The following FHIP1A variants were observed in gnomAD, a reference collection of about 807,000 sequenced individuals.
FHIP1A encodes FHF complex subunit HOOK-interacting protein 1A.
A neutral mutation model predicts 88.6 loss-of-function variants in FHIP1A; 61 were observed. That is an observed-to-expected ratio of 0.69 (90% CI 0.56 to 0.85). FHIP1A has a LOEUF of 0.85. FHIP1A is among the 40% of genes least tolerant of loss of function. The probability of loss-of-function intolerance (pLI) is 0.00; values close to 1 mark genes in which losing one functional copy is unlikely to be tolerated. For synonymous variants in FHIP1A, 478 were observed against 496.0 expected (o/e 0.96, Z 0.48); for missense variants, 1,154 against 1,273.5 (o/e 0.91, Z 1.43).
chr4:151,605,729 C>G (rs1328702190), intron 7 of FHIP1A, among the ~76,000 whole-genome samples: 2 of 152,182 alleles, frequency 1.3e-5, no homozygotes, highest in Non-Finnish European at 2.9e-5. Context: ...TATTCATGAT[C>G]TGCATCCTGC....
rs569126288 is a variant in FHIP1A at position 151,545,369 on chromosome 4, C to CTTTTTTTTTTTTTTTTTT, written c.-122-20760_-122-20743dup. On this transcript the variant is annotated intron_variant, in intron 3 of 13. Coordinates refer to ENST00000435205, the MANE Select transcript of FHIP1A (RefSeq NM_001109977.3). Reference sequence around the variant, plus strand: ...CAAGGCAAAATATTTCCTTATCCTTCTTTTTTTTTTTTTTTTTTTTTTTTT... The same window carrying CTTTTTTTTTTTTTTTTTT: ...CAAGGCAAAATATTTCCTTATCCTTCTTTTTTTTTTTTTTTTTTTTTTTTTTTTTTTTTTTTTTTTTTT... Among the ~76,000 whole-genome samples, 15 of 81,686 alleles carry CTTTTTTTTTTTTTTTTTT rather than the reference C, an allele frequency of 1.8e-4. 1 individual carries two copies. Among genetic ancestry groups the CTTTTTTTTTTTTTTTTTT allele is most frequent in the African/African-American group, 7.6e-4 (15 of 19,656 alleles). The allele number at this position is 81,686 out of a possible 152,430, so 53.6% of individuals were successfully genotyped here. A position where few individuals can be genotyped will look rare whatever the true frequency, so the allele number is the denominator to read the frequency against.
At chr4:151,586,941 C>T in intron 6 of FHIP1A, 142 bp downstream of exon 6, 2 of 578,440 alleles carry the variant, frequency 3.5e-6, no homozygotes, top group South Asian at 6.1e-5. Context: ...AATTGAATGT[C>T]CTTGAATGAG....
chr4:151,668,064 TCTTA>T lies in FHIP1A; in HGVS notation c.*5316_*5319del, dbSNP rs1737727877. Among the ~76,000 whole-genome samples, 1 of 152,178 alleles carries T rather than the reference TCTTA, an allele frequency of 6.6e-6. No individual in the cohort carries two copies. Among genetic ancestry groups the T allele is most frequent in the Non-Finnish European group, 1.5e-5 (1 of 68,032 alleles). ...AAAAGAGGGAATTTGGTGTTGACAA[TCTTA>T]CTTACACGACTCTTGCTAAGCTATT... On this transcript the variant is annotated 3_prime_UTR_variant, in exon 14 of 14. Coordinates refer to ENST00000435205, the MANE Select transcript of FHIP1A (RefSeq NM_001109977.3).
At chr4:151,640,766 A>C (rs17027738) in intron 9 of FHIP1A, among the ~76,000 whole-genome samples, 5,154 of 152,230 alleles carry the variant, frequency 0.034, 295 homozygotes, top group African/African-American at 0.12. Flanking sequence ...TAGGTGATGG[A>C]AGCTCTTGCT....
At chr4:151,447,372 GT>G (rs1349429316) in intron 1 of FHIP1A, among the ~76,000 whole-genome samples, 2 of 152,094 alleles carry the variant, frequency 1.3e-5, no homozygotes, top group Non-Finnish European at 2.9e-5. Context: ...TGTTCTTAGA[GT>G]TTTTGTAAAC....
At chr4:151,568,370 T>C (rs1733471303) in intron 4 of FHIP1A, among the ~76,000 whole-genome samples, 1 of 152,232 alleles carries the variant, frequency 6.6e-6, no homozygotes, top group African/African-American at 2.4e-5. Flanking sequence ...GGCTCAGCCA[T>C]TTCTTTACCT....
At chr4:151,498,873 A>G (rs1482214446) in intron 3 of FHIP1A, among the ~76,000 whole-genome samples, 2 of 152,224 alleles carry the variant, frequency 1.3e-5, no homozygotes, top group African/African-American at 2.4e-5. Flanking sequence ...GGATTTCATC[A>G]TCAACCTCCC....
chr4:151,615,277 T>C (rs568408348), intron 7 of FHIP1A, among the ~76,000 whole-genome samples: 34 of 152,376 alleles, frequency 2.2e-4, no homozygotes, highest in African/African-American at 8.2e-4. Context: ...AACCATGAAA[T>C]TTATTATCAG....
At chr4:151,452,936 G>GTATATATATA (rs111734450) in intron 1 of FHIP1A, among the ~76,000 whole-genome samples, 1 of 146,122 alleles carries the variant, frequency 6.8e-6, no homozygotes, top group Non-Finnish European at 1.5e-5. Context: ...ACATTGAAAC[G>GTATATATATA]TATATATATA....
At chr4:151,632,124 A>G (rs1736179234) in intron 8 of FHIP1A, among the ~76,000 whole-genome samples, 1 of 152,096 alleles carries the variant, frequency 6.6e-6, no homozygotes, top group Admixed American at 6.6e-5. Context: ...GCAAATGGTA[A>G]CTAAAAGAAA....
chr4:151,622,306 G>A (rs1204198105), intron 7 of FHIP1A, among the ~76,000 whole-genome samples: 1 of 152,146 alleles, frequency 6.6e-6, no homozygotes, highest in Admixed American at 6.5e-5. Context: ...TTAAATTACA[G>A]CAGGTGGAAT....
intron 1 of FHIP1A, among the ~76,000 whole-genome samples, chr4:151,410,426 C>G (rs1732578205): frequency 6.6e-6 from 1 of 152,206 alleles, no homozygotes. Flanking sequence ...AAGGGCTGTG[C>G]TATCAAATTC....
intron 1 of FHIP1A, among the ~76,000 whole-genome samples, chr4:151,446,987 T>C (rs1387131030): frequency 6.6e-6 from 1 of 152,212 alleles, no homozygotes; most frequent in Non-Finnish European, 1.5e-5. Context: ...AAAAGTAAGT[T>C]GGCTTTAATA....
chr4:151,480,839 A>C lies in FHIP1A; in HGVS notation c.-247-1685A>C, dbSNP rs192378662. Among the ~76,000 whole-genome samples the C allele has an allele frequency of 6.4e-3, 968 of 150,332 alleles. 3 individuals are homozygous for C. Among genetic ancestry groups the C allele is most frequent in the Non-Finnish European group, 0.01 (700 of 67,530 alleles). ...GGTCACACTGTGTCCCCCCACCCCC[A>C]TTTTTTTCTTTTCACGAATATTTGT... On this transcript the variant is annotated intron_variant, in intron 2 of 13. Coordinates refer to ENST00000435205, the MANE Select transcript of FHIP1A (RefSeq NM_001109977.3).
chr4:151,620,836 T>G (rs566480182), intron 7 of FHIP1A, among the ~76,000 whole-genome samples: 1 of 147,978 alleles, frequency 6.8e-6, no homozygotes, highest in Admixed American at 6.7e-5. Context: ...ATCAGAATTA[T>G]GAAAAGATAG....
intron 3 of FHIP1A, among the ~76,000 whole-genome samples, chr4:151,501,800 A>T (rs1730657288): frequency 6.8e-6 from 1 of 147,550 alleles, no homozygotes; most frequent in Non-Finnish European, 1.5e-5. Flanking sequence ...GAGTTGTAAG[A>T]GTTTTTTTTT....
In FHIP1A at chr4:151,577,467, G is replaced by T. The variant is rs756100387; in HGVS notation, c.123G>T (p.Glu41Asp). Residue 41 changes from glutamate to aspartate, a missense_variant, in exon 5 of 14, where the codon GAG becomes GAT. By Grantham distance (45) the Glu-to-Asp change is conservative (BLOSUM62 2). Coordinates refer to ENST00000435205, the MANE Select transcript of FHIP1A (RefSeq NM_001109977.3). ...NHWAQVVKIL[E>D]KHDPLKNTQA... ...GGTTACAGGTTGTGAAAATCTTGGAGAAGCACGACCCCTTGAAGAACACCC... is the reference window on the plus strand; with the variant it reads ...GGTTACAGGTTGTGAAAATCTTGGATAAGCACGACCCCTTGAAGAACACCC... 1 of 1,533,258 alleles carries T rather than the reference G, an allele frequency of 6.5e-7. No individual in the cohort carries two copies. The highest frequency in any genetic ancestry group is 8.8e-7 in the Non-Finnish European group (1 of 1,135,706). 95.0% of individuals were successfully genotyped at this position (1,533,258 alleles called of 1,614,324 possible). A position where few individuals can be genotyped will look rare whatever the true frequency, so the allele number is the denominator to read the frequency against.
chr4:151,588,898 T>C lies in FHIP1A; in HGVS notation c.950T>C (p.Val317Ala), dbSNP rs542705536. The C allele has an allele frequency of 2.6e-6, 4 of 1,551,260 alleles. No individual in the cohort carries two copies. The highest frequency in any genetic ancestry group is 1.2e-5 in the South Asian group (1 of 84,048). ...LVNYIYNGFL[V>A]PVLAPALHKV... is the part of the protein sequence containing the mutation. ...AATTACATTTACAATGGATTTTTGGTACCAGTCTTGGCTCCTGCTCTCCAT... is the reference window on the plus strand; with the variant it reads ...AATTACATTTACAATGGATTTTTGGCACCAGTCTTGGCTCCTGCTCTCCAT... Residue 317 changes from valine (V) to alanine (A), a missense_variant, in exon 7 of 14, where the codon GTA (valine) becomes GCA (alanine). Physicochemically the swap from Val to Ala is moderately conservative, Grantham distance 64 (BLOSUM62 0). Coordinates refer to ENST00000435205, the MANE Select transcript of FHIP1A (RefSeq NM_001109977.3).
intron 7 of FHIP1A, among the ~76,000 whole-genome samples, chr4:151,628,710 GGT>G (rs1349577258): frequency 6.6e-6 from 1 of 152,098 alleles, no homozygotes; most frequent in Non-Finnish European, 1.5e-5. Flanking sequence ...AGATTTCTAG[GGT>G]GTGTGGTATT....
Sources: allele counts gnomAD v4.1 joint callset (sites outside exome capture counted in the v4.1 genomes callset), GRCh38; gene constraint gnomAD v4.1.1; transcripts MANE v1.5; gene names NCBI Gene and HGNC (gene_info 2026-07-23, HGNC 2026-07-21).